Variants in LINC00632 observed in about 807,000 individuals in gnomAD.
LINC00632 encodes the protein long independently transcribed non-coding RNA 632.
intron 3 of LINC00632, among the ~76,000 whole-genome samples, chrX:140,761,623 T>C (rs372305216): frequency 9.7e-5 from 11 of 113,071 alleles, no homozygotes; most frequent in African/African-American, 3.5e-4. Context: ...TAGCAGGCAT[T>C]CTGCCAGGAG....
chrX:140,743,803 G>A (rs1931280903), intron 3 of LINC00632, among the ~76,000 whole-genome samples: 1 of 110,746 alleles, frequency 9.0e-6, no homozygotes, highest in Non-Finnish European at 1.9e-5. Context: ...AAAGAAAGTC[G>A]AGAGGCTTTC....
At chrX:140,766,360 A>G (rs1447150182) in intron 3 of LINC00632, among the ~76,000 whole-genome samples, 9 of 112,441 alleles carry the variant, frequency 8.0e-5, no homozygotes, top group African/African-American at 2.9e-4. Flanking sequence ...TTAAAAACTG[A>G]TGGATGTCTA....
chrX:140,784,092 GCCATGTCTTCCAGACTAT>G (rs1392919351), exon 5 of LINC00632: 5 of 1,206,440 alleles, frequency 4.1e-6, no homozygotes, highest in Non-Finnish European at 5.6e-6. Context: ...TTCCAACAAA[GCCATGTCTTCCAGACTAT>G]CCATGTCTTC....
At chrX:140,740,120 G>A (rs902895697) in intron 3 of LINC00632, among the ~76,000 whole-genome samples, 1 of 111,374 alleles carries the variant, frequency 9.0e-6, no homozygotes, top group Non-Finnish European at 1.9e-5. Flanking sequence ...ATGGTGACAT[G>A]TGGGGCCAGG....
intron 1 of LINC00632, among the ~76,000 whole-genome samples, chrX:140,710,553 A>C (rs1930494400): frequency 9.1e-6 from 1 of 110,348 alleles, no homozygotes; most frequent in Non-Finnish European, 1.9e-5. Flanking sequence ...TGTGAGATGG[A>C]TAGCAGAGAT....
intron 2 of LINC00632, among the ~76,000 whole-genome samples, chrX:140,730,252 C>T (rs1931037166): frequency 9.1e-6 from 1 of 110,109 alleles, no homozygotes; most frequent in Non-Finnish European, 1.9e-5. Context: ...ATCGGCACCA[C>T]AAGAAACTCC....
intron 3 of LINC00632, among the ~76,000 whole-genome samples, chrX:140,760,471 G>A (rs892430720): frequency 2.7e-5 from 3 of 111,642 alleles, no homozygotes; most frequent in Non-Finnish European, 5.6e-5. Context: ...TGGTAAAACA[G>A]AAGAAATAGC....
At chrX:140,789,867 T>C (rs180825745) in exon 5 of LINC00632, among the ~76,000 whole-genome samples, 8 of 111,259 alleles carry the variant, frequency 7.2e-5, no homozygotes, top group African/African-American at 1.3e-4. Flanking sequence ...CTGGTGTATA[T>C]TGCAAATGTT....
intron 3 of LINC00632, among the ~76,000 whole-genome samples, chrX:140,760,691 A>T (rs1409240552): frequency 9.0e-6 from 1 of 111,377 alleles, no homozygotes; most frequent in East Asian, 2.8e-4. Context: ...GAATCACTTG[A>T]ACCCGGGAGG....
exon 5 of LINC00632, among the ~76,000 whole-genome samples, chrX:140,787,083 T>C (rs927059795): frequency 9.0e-6 from 1 of 111,565 alleles, no homozygotes; most frequent in Non-Finnish European, 1.9e-5. Flanking sequence ...AGGAAAAATA[T>C]TTAAACAATT....
chrX:140,771,989 A>G (rs1233470825), intron 3 of LINC00632: 1 of 232,764 alleles, frequency 4.3e-6, no homozygotes, highest in African/African-American at 2.9e-5. Context: ...CCTGGCATAT[A>G]TTTTTATTAC....
exon 5 of LINC00632, among the ~76,000 whole-genome samples, chrX:140,788,795 T>C (rs1297021482): frequency 1.9e-5 from 2 of 103,862 alleles, no homozygotes; most frequent in Non-Finnish European, 3.9e-5. Flanking sequence ...GTATATTCCA[T>C]ATATACACAT....
chrX:140,771,680 T>TG (rs1931799480), intron 3 of LINC00632, among the ~76,000 whole-genome samples: 1 of 35,882 alleles, frequency 2.8e-5, no homozygotes, highest in Admixed American at 3.5e-4. Flanking sequence ...TATATATATA[T>TG]ATATATTTTT....
At chrX:140,727,556 G>A (rs1366544939) in intron 2 of LINC00632, among the ~76,000 whole-genome samples, 5 of 111,655 alleles carry the variant, frequency 4.5e-5, no homozygotes, top group Non-Finnish European at 7.5e-5. Flanking sequence ...GCCTCCCAAA[G>A]TGCTGGGATT....
intron 3 of LINC00632, among the ~76,000 whole-genome samples, chrX:140,748,020 G>T (rs1460633574): frequency 9.0e-6 from 1 of 111,443 alleles, no homozygotes; most frequent in African/African-American, 3.3e-5. Flanking sequence ...TAGAGACGGG[G>T]TTTCGCCATG....
chrX:140,723,657 C>A (rs866111352), intron 2 of LINC00632, among the ~76,000 whole-genome samples: 2 of 11,732 alleles, frequency 1.7e-4, no homozygotes, highest in African/African-American at 7.0e-4. Flanking sequence ...TACACACACA[C>A]ATTCCATATA....
chrX:140,721,410 G>T (rs747180392), intron 2 of LINC00632, among the ~76,000 whole-genome samples: 3 of 111,488 alleles, frequency 2.7e-5, no homozygotes, highest in Non-Finnish European at 5.7e-5. Flanking sequence ...GGTGGGAGGG[G>T]TGGTTTTGGG....
chrX:140,745,641 A>G (rs764702049), intron 3 of LINC00632, among the ~76,000 whole-genome samples: 22 of 112,078 alleles, frequency 2.0e-4, no homozygotes, highest in African/African-American at 6.8e-4. Flanking sequence ...TGCTTCACTA[A>G]GAACTACAGG....
At chrX:140,765,813 G>A (rs1931680755) in intron 3 of LINC00632, among the ~76,000 whole-genome samples, 1 of 111,900 alleles carries the variant, frequency 8.9e-6, no homozygotes, top group Non-Finnish European at 1.9e-5. Flanking sequence ...GACAAGGGGG[G>A]CAAGTAGCTC....
Sources: gnomAD v4.1 joint callset for allele counts (sites outside exome capture counted in the v4.1 genomes callset) on GRCh38, gnomAD v4.1.1 for gene constraint, MANE v1.5 for transcripts, NCBI Gene and HGNC (gene_info 2026-07-23, HGNC 2026-07-21) for gene names.